SYN3: variants seen among roughly 807,000 people sequenced by gnomAD.
SYN3 encodes the protein synapsin III, also known as synapsin-3.
SYN3 carries 35 observed loss-of-function variants against 65.8 expected under a neutral mutation model. The ratio of observed to expected loss-of-function variants is 0.53; its 90% CI spans 0.41 to 0.70. The LOEUF (loss-of-function observed/expected upper bound fraction) is 0.70, where lower values mean the gene tolerates loss of function less well. Among genes scored for constraint, SYN3 ranks in the 30% least tolerant of loss-of-function variants. The pLI, the probability that SYN3 is intolerant of heterozygous loss-of-function variation, is 0.00. For missense variants in SYN3, 680 were observed against 749.0 expected, an observed-to-expected ratio of 0.91 and a Z score of 1.08; for synonymous variants, 270 against 292.9, an observed-to-expected ratio of 0.92 and a Z score of 0.80.
At chr22:32,564,670 C>T (rs1044429772) in intron 7 of SYN3, among the ~76,000 whole-genome samples, 14 of 151,458 alleles carry the variant, frequency 9.2e-5, no homozygotes, top group African/African-American at 3.4e-4. Flanking sequence ...ACAGTGCTCC[C>T]AGACTGCACC....
At chr22:32,529,156 C>T (rs558148552) in intron 10 of SYN3, 148 bp from the exon 11 acceptor site, 2 of 958,478 alleles carry the variant, frequency 2.1e-6, no homozygotes, top group Admixed American at 4.5e-5. Context: ...CCAGCTGGGA[C>T]TGGCCGGCAG....
chr22:32,712,725 C>T (rs1437705603), intron 6 of SYN3, among the ~76,000 whole-genome samples: 1 of 152,150 alleles, frequency 6.6e-6, no homozygotes, highest in African/African-American at 2.4e-5. Context: ...CCCCTTTGCC[C>T]CTTTCTCACT....
chr22:32,563,001 C>T (rs115809357), intron 7 of SYN3, among the ~76,000 whole-genome samples: 2,470 of 152,322 alleles, frequency 0.016, 76 homozygotes, highest in African/African-American at 0.053. Context: ...CTCTCAGATT[C>T]AAATTTCCAC....
chr22:32,710,111 ATGTGTG>A (rs55824039), intron 6 of SYN3, among the ~76,000 whole-genome samples: 2 of 135,218 alleles, frequency 1.5e-5, no homozygotes, highest in African/African-American at 2.8e-5. Context: ...GTGTGTGTGT[ATGTGTG>A]TGTGTGTGTG....
intron 3 of SYN3, among the ~76,000 whole-genome samples, chr22:32,949,063 C>G (rs905083372): frequency 2.0e-5 from 3 of 152,028 alleles, no homozygotes; most frequent in South Asian, 4.2e-4. Context: ...ATCCCAAAAT[C>G]CAAAATCTGA....
At chr22:33,050,479 CAAA>C (rs58653594) in intron 1 of SYN3, among the ~76,000 whole-genome samples, 112 of 108,486 alleles carry the variant, frequency 1.0e-3, no homozygotes, top group African/African-American at 1.4e-3. Flanking sequence ...GAGACTGTTT[CAAA>C]AAAAAAAAAA....
At chr22:32,825,917 C>G (rs189216251) in intron 6 of SYN3, among the ~76,000 whole-genome samples, 1 of 152,116 alleles carries the variant, frequency 6.6e-6, no homozygotes. Flanking sequence ...AACCAGATCA[C>G]CAAGCACATT....
chr22:32,623,440 C>T (rs926025792), intron 6 of SYN3, among the ~76,000 whole-genome samples: 1 of 152,210 alleles, frequency 6.6e-6, no homozygotes, highest in Non-Finnish European at 1.5e-5. Flanking sequence ...AAGTGATCCT[C>T]CCATCTCGGC....
Position 32,759,577 on chromosome 22 carries a change from G to A in SYN3, c.711+105338C>T, listed in dbSNP as rs2045393342. On this transcript the variant is annotated intron_variant, in intron 6 of 13. Transcript: ENST00000358763. ...CTGAGACCCTTGTCTTGACAGAGCT[G>A]GTGGTGAGGAGAAATGTCCCCATCC... is the stretch of plus-strand genomic sequence containing the variant. Among the ~76,000 whole-genome samples the A allele has an allele frequency of 1.3e-5, 2 of 151,812 alleles. 1 individual carries two copies. Among genetic ancestry groups the A allele is most frequent in the Non-Finnish European group, 2.9e-5 (2 of 67,940 alleles).
chr22:32,999,068 T>G (rs1225077838), intron 2 of SYN3, among the ~76,000 whole-genome samples: 2 of 152,064 alleles, frequency 1.3e-5, no homozygotes, highest in Non-Finnish European at 2.9e-5. Flanking sequence ...CCAGGGACAT[T>G]AGGAAGAGTA....
At chr22:32,661,704 C>T (rs962952186) in intron 6 of SYN3, among the ~76,000 whole-genome samples, 17 of 152,256 alleles carry the variant, frequency 1.1e-4, no homozygotes, top group African/African-American at 4.1e-4. Flanking sequence ...TCTTTCCCCC[C>T]ACCTTTCTTG....
At chr22:32,980,819 T>C (rs2052349811) in intron 2 of SYN3, 117 bp from the exon 3 acceptor site, 2 of 826,970 alleles carry the variant, frequency 2.4e-6, no homozygotes, top group Admixed American at 1.9e-5. Context: ...GCCATCCTAC[T>C]GTCTCCTCCC....
intron 6 of SYN3, among the ~76,000 whole-genome samples, chr22:32,844,550 G>A (rs2048007417): frequency 6.6e-6 from 1 of 152,154 alleles, no homozygotes; most frequent in African/African-American, 2.4e-5. Context: ...TCTATGCCTG[G>A]CTTCTCAGGC....
At chr22:32,904,484 G>C (rs1310014317) in intron 4 of SYN3, among the ~76,000 whole-genome samples, 1 of 152,038 alleles carries the variant, frequency 6.6e-6, no homozygotes, top group Non-Finnish European at 1.5e-5. Context: ...ACTCTTGATT[G>C]AGTGAGACCT....
chr22:32,834,247 G>A (rs1003874822), intron 6 of SYN3, among the ~76,000 whole-genome samples: 23 of 152,162 alleles, frequency 1.5e-4, no homozygotes, highest in Admixed American at 1.4e-3. Flanking sequence ...CCGCCTCCAA[G>A]GTTCAAGCCA....
At chr22:32,576,262 G>A (rs1225850767) in intron 7 of SYN3, among the ~76,000 whole-genome samples, 1 of 152,052 alleles carries the variant, frequency 6.6e-6, no homozygotes, top group Non-Finnish European at 1.5e-5. Flanking sequence ...GCCATTCTCT[G>A]AGCATTCACC....
In SYN3 at chr22:32,566,544, T is replaced by C. The variant is rs142219080; in HGVS notation, c.775-24831A>G. 3.3e-5 allele frequency among the ~76,000 whole-genome samples: 5 copies of C among 152,252 alleles called. No individual in the cohort carries two copies. The East Asian group carries it at 5.8e-4, about 18-fold the overall frequency. On this transcript the variant is annotated intron_variant, in intron 7 of 13. Transcript: ENST00000358763. ...GACGTAAAGTTTGTGTGTTAAGAGA[T>C]GGGTACAACAGTGACACAACCCGGA...
intron 6 of SYN3, among the ~76,000 whole-genome samples, chr22:32,749,129 G>T (rs1046445219): frequency 6.6e-6 from 1 of 152,108 alleles, no homozygotes; most frequent in Non-Finnish European, 1.5e-5. Context: ...TAAGGTGTTG[G>T]CAAATTTGGT....
At chr22:33,050,497 A>C (rs200748804) in intron 1 of SYN3, among the ~76,000 whole-genome samples, 14,292 of 150,250 alleles carry the variant, frequency 0.095, 725 homozygotes, top group Middle Eastern at 0.13. Flanking sequence ...AAAAAAAAAA[A>C]AACAAAACAA....
Sources: allele counts gnomAD v4.1 joint callset (sites outside exome capture counted in the v4.1 genomes callset), GRCh38; gene constraint gnomAD v4.1.1; transcripts MANE v1.5; gene names NCBI Gene and HGNC (gene_info 2026-07-23, HGNC 2026-07-21).